THSD7A: variants seen among roughly 807,000 people sequenced by gnomAD.
The protein encoded by THSD7A is thrombospondin type 1 domain containing 7A, also known as thrombospondin type-1 domain-containing protein 7A.
THSD7A carries 96 observed loss-of-function variants against 231.3 expected under a neutral mutation model. The observed-to-expected ratio is 0.41, with a 90% CI of 0.35 to 0.49. The LOEUF (loss-of-function observed/expected upper bound fraction) is 0.49. THSD7A is among the 20% of genes least tolerant of loss of function. THSD7A has a pLI of 0.05. For missense variants in THSD7A, 2,290 were observed against 2,070.2 expected (o/e 1.11, Z -2.06); for synonymous variants, 940 against 743.3 (o/e 1.26, Z -4.30).
At chr7:11,689,916 T>G (rs193160658) in intron 1 of THSD7A, among the ~76,000 whole-genome samples, 1 of 149,622 alleles carries the variant, frequency 6.7e-6, no homozygotes, top group African/African-American at 2.4e-5. Flanking sequence ...AAATCTTTAG[T>G]TGTTACTACA....
intron 2 of THSD7A, among the ~76,000 whole-genome samples, chr7:11,609,703 A>G (rs572000718): frequency 7.2e-5 from 11 of 152,194 alleles, no homozygotes; most frequent in Non-Finnish European, 1.6e-4. Context: ...GGACTTTAGT[A>G]AGCAGTACTC....
chr7:11,807,724 C>T (rs1218423481), intron 1 of THSD7A, among the ~76,000 whole-genome samples: 1 of 152,020 alleles, frequency 6.6e-6, no homozygotes, highest in Non-Finnish European at 1.5e-5. Flanking sequence ...ATTTATAACA[C>T]CTAAAGCTTA....
chr7:11,717,486 G>C (rs1446327322), intron 1 of THSD7A, among the ~76,000 whole-genome samples: 2 of 151,608 alleles, frequency 1.3e-5, no homozygotes, highest in Admixed American at 1.3e-4. Flanking sequence ...ATGGGGAAAG[G>C]AGTAAATTTA....
intron 11 of THSD7A, among the ~76,000 whole-genome samples, chr7:11,458,609 G>T (rs1030162581): frequency 6.6e-6 from 1 of 152,080 alleles, no homozygotes; most frequent in Non-Finnish European, 1.5e-5. Flanking sequence ...TACAGGCAGA[G>T]AAAGAGACAC....
At chr7:11,434,010 C>G (rs1200701762) in intron 13 of THSD7A, among the ~76,000 whole-genome samples, 1 of 151,998 alleles carries the variant, frequency 6.6e-6, no homozygotes, top group African/African-American at 2.4e-5. Flanking sequence ...TTTCCAATGT[C>G]TGACAACATT....
At chr7:11,578,385 G>A (rs921482100) in intron 4 of THSD7A, among the ~76,000 whole-genome samples, 5 of 152,116 alleles carry the variant, frequency 3.3e-5, no homozygotes, top group Non-Finnish European at 7.4e-5. Flanking sequence ...AATTCAAAAT[G>A]AAACCTTATA....
rs1781927592 is a variant in THSD7A at position 11,637,800 on chromosome 7, C to T, written c.191-839G>A. 6.6e-6 allele frequency among the ~76,000 whole-genome samples: 1 copy of T among 151,954 alleles called. No homozygotes were observed. The highest frequency in any genetic ancestry group is 1.5e-5 in the Non-Finnish European group (1 of 67,996). On this transcript the variant is annotated intron_variant, in intron 1 of 27. Coordinates refer to ENST00000423059, the MANE Select transcript of THSD7A (RefSeq NM_015204.3). This position sits in a 1 kb window ranked among gnomAD's most constrained non-coding sequence, Gnocchi z 4.2. The stretch of plus-strand genomic sequence containing the variant: ...AAATATGGGTTTTTTTCTGTGAAAT[C>T]CTTCTTAGAATAAACTTTATATTCA...
At chr7:11,520,703 AT>A (rs1788227671) in intron 6 of THSD7A, among the ~76,000 whole-genome samples, 1 of 152,326 alleles carries the variant, frequency 6.6e-6, no homozygotes, top group Non-Finnish European at 1.5e-5. Flanking sequence ...TCTTGGTATA[AT>A]TTGACTAGAA....
intron 8 of THSD7A, among the ~76,000 whole-genome samples, chr7:11,471,768 G>C (rs1785949297): frequency 6.6e-6 from 1 of 152,002 alleles, no homozygotes; most frequent in African/African-American, 2.4e-5. Flanking sequence ...TAAATCAGTA[G>C]AATTACAATT....
chr7:11,518,621 G>GCA (rs932525049), intron 6 of THSD7A, among the ~76,000 whole-genome samples: 5 of 99,618 alleles, frequency 5.0e-5, no homozygotes, highest in East Asian at 2.6e-4. Flanking sequence ...ACACACACAC[G>GCA]CACACACAGG....
chr7:11,684,777 T>C (rs1045503770), intron 1 of THSD7A, among the ~76,000 whole-genome samples: 10 of 151,984 alleles, frequency 6.6e-5, no homozygotes, highest in South Asian at 4.1e-4. Flanking sequence ...AGAATCAATA[T>C]TGTTAAAATA....
chr7:11,503,535 G>A (rs1029531044), intron 6 of THSD7A, among the ~76,000 whole-genome samples: 2 of 150,304 alleles, frequency 1.3e-5, no homozygotes, highest in African/African-American at 4.9e-5. Flanking sequence ...TACAGAATAG[G>A]AGAAAGTATT....
Position 11,406,961 on chromosome 7 carries a change from C to T in THSD7A, c.4011G>A (p.Val1337=). Residue 1337 remains valine, a synonymous_variant, in exon 21 of 28, where the codon GTG becomes GTA. Transcript: ENST00000423059. This position sits in a 1 kb window ranked among gnomAD's most constrained non-coding sequence, Gnocchi z 4.7. The part of the protein sequence containing the change: ...SLMDQSKPCP[V]KPCYRWQYGQ... ...CATATTGCCACCGATAACAAGGCTTCACTGGGCAGGGTTTGGACTGGTCCA... is the reference window on the plus strand; with the variant it reads ...CATATTGCCACCGATAACAAGGCTTTACTGGGCAGGGTTTGGACTGGTCCA... The T allele has an allele frequency of 6.2e-7, 1 of 1,613,866 alleles. No homozygotes were observed.
chr7:11,429,181 A>T, intron 13 of THSD7A, 56 bp from the exon 14 acceptor site: 1 of 1,485,088 alleles, frequency 6.7e-7, no homozygotes, highest in South Asian at 1.4e-5. Flanking sequence ...CTCTCCCATT[A>T]CCACCCACTA....
At chr7:11,407,918 T>TAA (rs1045119112) in intron 19 of THSD7A, among the ~76,000 whole-genome samples, 3 of 152,192 alleles carry the variant, frequency 2.0e-5, no homozygotes, top group South Asian at 2.1e-4. Flanking sequence ...TGAAATAATA[T>TAA]AAAGTATCAG....
At chr7:11,510,988 C>CA (rs202207515) in intron 6 of THSD7A, among the ~76,000 whole-genome samples, 26,510 of 151,998 alleles carry the variant, frequency 0.17, 2,418 homozygotes, top group Middle Eastern at 0.24. Flanking sequence ...AAGAGGAAGT[C>CA]AATTGTCCCT....
chr7:11,490,390 A>G (rs1008258375), intron 6 of THSD7A, among the ~76,000 whole-genome samples: 1 of 152,108 alleles, frequency 6.6e-6, no homozygotes, highest in African/African-American at 2.4e-5. Flanking sequence ...TAGGCAAACA[A>G]ATTTTATTAA....
intron 1 of THSD7A, among the ~76,000 whole-genome samples, chr7:11,791,438 A>G (rs1783949679): frequency 6.6e-6 from 1 of 152,034 alleles, no homozygotes; most frequent in Non-Finnish European, 1.5e-5. Context: ...ATAAGCAGTA[A>G]GATCAAATAT....
intron 9 of THSD7A, among the ~76,000 whole-genome samples, chr7:11,462,781 A>G (rs1333535785): frequency 6.7e-6 from 1 of 148,890 alleles, no homozygotes; most frequent in Non-Finnish European, 1.5e-5. Context: ...CAAAATAGCA[A>G]TAATTACTAT....
Sources: allele counts gnomAD v4.1 joint callset (sites outside exome capture counted in the v4.1 genomes callset), GRCh38; gene constraint gnomAD v4.1.1; non-coding constraint Gnocchi (gnomAD v3.1); transcripts MANE v1.5; gene names NCBI Gene and HGNC (gene_info 2026-07-23, HGNC 2026-07-21).